EME1: variants seen among roughly 807,000 people sequenced by gnomAD.
The protein encoded by EME1 is essential meiotic structure-specific endonuclease 1.
EME1 carries 61 observed loss-of-function variants against 59.1 expected under a neutral mutation model. That is an observed-to-expected ratio of 1.03 (90% confidence interval 0.84 to 1.28). The LOEUF is 1.28. Ranked by LOEUF, EME1 falls within the 50% of genes most tolerant of loss-of-function variation. The pLI, the probability that EME1 is intolerant of heterozygous loss-of-function variation, is 0.00. For synonymous variants in EME1, 230 were observed against 254.2 expected, an observed-to-expected ratio of 0.90 and a Z score of 0.90; for missense variants, 635 against 682.6, an observed-to-expected ratio of 0.93 and a Z score of 0.78.
In EME1 at chr17:50,375,651, A is replaced by T; in HGVS notation, c.443A>T (p.His148Leu). The T allele has an allele frequency of 1.2e-6, 2 of 1,614,092 alleles. No homozygotes were observed. Among genetic ancestry groups the T allele is most frequent in the Non-Finnish European group, 1.7e-6 (2 of 1,180,016 alleles). The stretch of plus-strand genomic sequence containing the variant: ...CCAAAGATCCCTGAAGTTCCCCTCC[A>T]TGATACCCCAGAGAGGAGTGCAGCA... ...PFPKIPEVPL[H>L]DTPERSAADN... The change falls in exon 2 of 9, where the codon CAT becomes CTT. Residue 148 changes from histidine (H) to leucine (L), a missense_variant. By Grantham distance (99) the His-to-Leu change is moderately conservative. Transcript: ENST00000338165.
rs376696640 is a variant in EME1, at chr17:50,378,913, T to C, written c.1112+18T>C. The C allele has an allele frequency of 2.0e-5, 33 of 1,614,088 alleles. No homozygotes were observed. Among genetic ancestry groups the C allele is most frequent in the Non-Finnish European group, 2.5e-5 (29 of 1,180,030 alleles). On this transcript the variant is annotated intron_variant, in intron 5 of 8. Transcript: ENST00000338165. Reference sequence around the variant, plus strand: ...TGCTTCAGGTTTGGATTTGCCCTGGTGATTTCATGTTAAAAGGGGCAGCTC... The same window carrying C: ...TGCTTCAGGTTTGGATTTGCCCTGGCGATTTCATGTTAAAAGGGGCAGCTC...
chr17:50,376,330 G>A (rs1938231565), intron 3 of EME1, 137 bp downstream of exon 3: 1 of 1,360,158 alleles, frequency 7.4e-7, no homozygotes, highest in Non-Finnish European at 9.9e-7. Flanking sequence ...GTAATTAAAA[G>A]AAGATTGAAT....
chr17:50,380,327 A>C lies in EME1; in HGVS notation c.1362A>C (p.Glu454Asp), dbSNP rs764663316. Residue 454 changes from glutamate (E) to aspartate (D), a missense_variant, in exon 8 of 9, where the codon GAA becomes GAC. Glu to Asp is a conservative substitution (Grantham distance 45). Transcript: ENST00000338165. ...GCTGTTGCAGGAAGCTCCGAGATGA[A>C]ACTACCTTCTCCTTCTGTCTGGAGA... ...AEAPFKKLRD[E>D]TTFSFCLESD... 34 of 1,610,178 alleles carry C rather than the reference A, an allele frequency of 2.1e-5. No homozygotes were observed. The highest frequency in any genetic ancestry group is 2.8e-5 in the Non-Finnish European group (33 of 1,178,174).
At chr17:50,376,038 C>A in intron 2 of EME1, 28 bp from the exon 3 acceptor site, 1 of 1,609,482 alleles carries the variant, frequency 6.2e-7, no homozygotes, top group Non-Finnish European at 8.5e-7. Context: ...GGACCCCCCA[C>A]TGACAGTCCC....
chr17:50,381,302 G>C lies in EME1; in HGVS notation c.*363G>C. The stretch of plus-strand genomic sequence containing the variant: ...AGAATTAGCATCAAATCTTGAAGTC[G>C]TGAGTGAAGCTGCGGGTTGGCTTGA... On this transcript the variant is annotated 3_prime_UTR_variant, in exon 9 of 9. Transcript: ENST00000338165. 4.4e-6 allele frequency: 1 copy of C among 227,878 alleles called. No homozygotes were observed. The highest frequency in any genetic ancestry group is 7.7e-5 in the South Asian group (1 of 12,924). The allele number at this position is 227,878 out of a possible 1,614,324, so 14.1% of individuals were successfully genotyped here. A position where few individuals can be genotyped will look rare whatever the true frequency, so the allele number is the denominator to read the frequency against.
chr17:50,378,762 C>G lies in EME1; in HGVS notation c.991-12C>G. On this transcript the variant is annotated splice_polypyrimidine_tract_variant and intron_variant, in intron 4 of 8. Coordinates refer to ENST00000338165, the MANE Select transcript of EME1 (RefSeq NM_152463.4). ...AAGCAAGTATTAATGCAGTTTCTGC[C>G]CCTTCATGCAGGGAAGCCTGGACAG... 5.0e-6 allele frequency: 8 copies of G among 1,614,130 alleles called. No individual in the cohort carries two copies. Among genetic ancestry groups the G allele is most frequent in the Non-Finnish European group, 6.8e-6 (8 of 1,180,036 alleles).
In EME1 at chr17:50,376,141, C is replaced by A; in HGVS notation, c.851C>A (p.Ala284Glu). Residue 284 changes from alanine (A) to glutamate (E), a missense_variant, in exon 3 of 9, where the codon GCG (alanine) becomes GAG (glutamate). Ala to Glu is a moderately radical substitution (Grantham distance 107). Coordinates refer to ENST00000338165, the MANE Select transcript of EME1 (RefSeq NM_152463.4). ...ATGGAGTGCCGCTGTGTGATTGAGG[C>A]GCAGGCTGTGCCTTGCAGTGTCACT... is the stretch of plus-strand genomic sequence containing the variant. The part of the protein sequence containing the change: ...QTMECRCVIE[A>E]QAVPCSVTWR... The A allele has an allele frequency of 1.9e-6, 3 of 1,614,002 alleles. No individual in the cohort carries two copies. Among genetic ancestry groups the A allele is most frequent in the Non-Finnish European group, 2.5e-6 (3 of 1,180,026 alleles).
chr17:50,375,199 G>T lies in EME1; in HGVS notation c.-10G>T. The T allele has an allele frequency of 6.2e-7, 1 of 1,611,724 alleles. No individual in the cohort carries two copies. Among genetic ancestry groups the T allele is most frequent in the Non-Finnish European group, 8.5e-7 (1 of 1,179,100 alleles). The stretch of plus-strand genomic sequence containing the variant: ...TTTCCTTTTAGGGAATTATTTGATA[G>T]CACATACTGATGGCTCTAAAGAAGT... On this transcript the variant is annotated 5_prime_UTR_variant, in exon 2 of 9. Transcript: ENST00000338165.
In EME1 at chr17:50,375,551, T is replaced by C. The variant is rs1196942647; in HGVS notation, c.343T>C (p.Ser115Pro). The C allele has an allele frequency of 1.2e-6, 2 of 1,614,218 alleles. No individual in the cohort carries two copies. Among genetic ancestry groups the C allele is most frequent in the East Asian group, 4.5e-5 (2 of 44,890 alleles). Residue 115 changes from serine (S) to proline (P), a missense_variant, in exon 2 of 9, where the codon TCT becomes CCT. Transcript: ENST00000338165. ...LTHKQLSPED[S>P]SSPVKSVLDH... ...CCACAAGCAACTGAGCCCTGAGGACTCTAGCTCCCCAGTTAAAAGTGTTTT... is the reference window on the plus strand; with the variant it reads ...CCACAAGCAACTGAGCCCTGAGGACCCTAGCTCCCCAGTTAAAAGTGTTTT...
chr17:50,374,467 G>A (rs1034956113), intron 1 of EME1, among the ~76,000 whole-genome samples: 1 of 152,056 alleles, frequency 6.6e-6, no homozygotes, highest in African/African-American at 2.4e-5. Flanking sequence ...TCGAACTCCT[G>A]GGCTCAAGTG....
rs1345763445 is a variant in EME1 at position 50,375,925 on chromosome 17, G to A, written c.717G>A (p.Arg239=). The A allele has an allele frequency of 1.2e-6, 2 of 1,611,900 alleles. No individual in the cohort carries two copies. Among genetic ancestry groups the A allele is most frequent in the African/African-American group, 1.3e-5 (1 of 74,748 alleles). ...QERKNAALVT[R]MKAQRPEECL... ...GAAAGAATGCAGCACTGGTTACCAG[G>A]ATGAAAGCCCAGAGGCCAGAGGAAT... is the stretch of plus-strand genomic sequence containing the variant. Residue 239 remains arginine (R), a synonymous_variant, in exon 2 of 9, where the codon AGG becomes AGA. Transcript: ENST00000338165.
At chr17:50,380,163 A>G (rs951208253) in intron 7 of EME1, 149 bp from the exon 8 acceptor site, 1 of 700,514 alleles carries the variant, frequency 1.4e-6, no homozygotes, top group Non-Finnish European at 2.3e-6. Context: ...CAAAGTGAGC[A>G]CTCAAATTGT....
Position 50,381,435 on chromosome 17 carries a change from T to G in EME1, c.*496T>G, listed in dbSNP as rs1055273905. The G allele has an allele frequency of 2.5e-5, 4 of 160,300 alleles. No individual in the cohort carries two copies. Among genetic ancestry groups the G allele is most frequent in the Non-Finnish European group, 5.5e-5 (4 of 72,128 alleles). The allele number at this position is 160,300 out of a possible 1,614,324, so 9.9% of individuals were successfully genotyped here. ...CATTGTGTGTATTATGTATTTAGTT[T>G]CAATAAAGCATTTGTACCAATGGCT... On this transcript the variant is annotated 3_prime_UTR_variant, in exon 9 of 9. Transcript: ENST00000338165.
rs139232217 is a variant in EME1 at position 50,380,325 on chromosome 17, G to A, written c.1360G>A (p.Glu454Lys). Reference protein sequence around the residue: ...AEAPFKKLRDETTFSFCLESD... With the variant: ...AEAPFKKLRDKTTFSFCLESD... ...ACGCTGTTGCAGGAAGCTCCGAGATGAAACTACCTTCTCCTTCTGTCTGGA... is the reference window on the plus strand; with the variant it reads ...ACGCTGTTGCAGGAAGCTCCGAGATAAAACTACCTTCTCCTTCTGTCTGGA... Residue 454 changes from glutamate (E) to lysine (K), a missense_variant, in exon 8 of 9, where the codon GAA (glutamate) becomes AAA (lysine). Transcript: ENST00000338165. 1 of 1,609,692 alleles carries A rather than the reference G, an allele frequency of 6.2e-7. No homozygotes were observed.
chr17:50,374,761 A>C (rs1913363827), intron 1 of EME1, among the ~76,000 whole-genome samples: 1 of 151,954 alleles, frequency 6.6e-6, no homozygotes, highest in Admixed American at 6.6e-5. Context: ...CAGGAGAATC[A>C]CTTGAACCTG....
chr17:50,380,861 T>C lies in EME1; in HGVS notation c.1635T>C (p.Ile545=). 5 of 1,614,208 alleles carry C rather than the reference T, an allele frequency of 3.1e-6. No individual in the cohort carries two copies. Among genetic ancestry groups the C allele is most frequent in the Non-Finnish European group, 4.2e-6 (5 of 1,180,030 alleles). ...GTGTGACATCCACTTCTCGCCGCAT[T>C]GGACCAGAACTATCCAGGCGTATCT... The part of the protein sequence containing the change: ...GEGVTSTSRR[I]GPELSRRIYL... Residue 545 remains isoleucine, a synonymous_variant, in exon 9 of 9, where the codon ATT becomes ATC. Coordinates refer to ENST00000338165, the MANE Select transcript of EME1 (RefSeq NM_152463.4).
Position 50,373,250 on chromosome 17 carries a change from G to C in EME1, c.-52G>C, listed in dbSNP as rs1357486566. ...ATCTACTTCCGGGCCCTGCGTGGCA[G>C]TTGAAAGAGTGGCGGGAGAAGTTGC... On this transcript the variant is annotated 5_prime_UTR_variant, in exon 1 of 9. Coordinates refer to ENST00000338165, the MANE Select transcript of EME1 (RefSeq NM_152463.4). 5.7e-6 allele frequency: 9 copies of C among 1,576,316 alleles called. No homozygotes were observed. Among genetic ancestry groups the C allele is most frequent in the Non-Finnish European group, 7.8e-6 (9 of 1,154,814 alleles).
chr17:50,378,490 A>C, intron 3 of EME1, 105 bp from the exon 4 acceptor site: 2 of 1,032,506 alleles, frequency 1.9e-6, no homozygotes, highest in African/African-American at 1.6e-5. Flanking sequence ...ATAATGCATA[A>C]GGGGTGGGAG....
At chr17:50,376,528 C>G (rs1278673792) in intron 3 of EME1, among the ~76,000 whole-genome samples, 2 of 152,208 alleles carry the variant, frequency 1.3e-5, no homozygotes, top group African/African-American at 4.8e-5. Context: ...TTCCTGGCCA[C>G]TATCTACTAA....
Sources: allele counts gnomAD v4.1 joint callset (sites outside exome capture counted in the v4.1 genomes callset), GRCh38; gene constraint gnomAD v4.1.1; transcripts MANE v1.5; gene names NCBI Gene and HGNC (gene_info 2026-07-23, HGNC 2026-07-21).